The following CEACAM5 variants were observed in gnomAD, a reference collection of about 807,000 sequenced individuals.
The protein encoded by CEACAM5 is CEA cell adhesion molecule 5.
Under a neutral mutation model 63.0 loss-of-function variants are expected in CEACAM5, and 52 were observed. The observed-to-expected ratio is 0.83, with a 90% CI of 0.66 to 1.04. CEACAM5 has a LOEUF of 1.04. Ranked by LOEUF, CEACAM5 falls within the 50% of genes least tolerant of loss-of-function variation. The probability of loss-of-function intolerance (pLI) is 0.00; values close to 1 mark genes in which losing one functional copy is unlikely to be tolerated. For synonymous variants in CEACAM5, 357 were observed against 351.3 expected (o/e 1.02, Z -0.18); for missense variants, 790 against 864.8 (o/e 0.91, Z 1.08).
At chr19:41,716,014 A>G in intron 4 of CEACAM5, 110 bp downstream of exon 4, 3 of 1,268,398 alleles carry the variant, frequency 2.4e-6, no homozygotes, top group Non-Finnish European at 2.2e-6. Flanking sequence ...CAGTGGGCAC[A>G]AGCAAATCCC....
intron 2 of CEACAM5, among the ~76,000 whole-genome samples, chr19:41,714,702 T>TC (rs111369047): frequency 6.6e-6 from 1 of 151,800 alleles, no homozygotes; most frequent in Non-Finnish European, 1.5e-5. Flanking sequence ...AGCTGTGACC[T>TC]CCCCCCCAGT....
intron 2 of CEACAM5, 115 bp downstream of exon 2, chr19:41,710,154 G>A (rs932263716): frequency 6.2e-6 from 9 of 1,449,326 alleles, no homozygotes; most frequent in Non-Finnish European, 8.4e-6. Context: ...ACCATGTTAG[G>A]GTTTGGGCAT....
intron 2 of CEACAM5, among the ~76,000 whole-genome samples, chr19:41,711,688 G>C (rs536937716): frequency 1.3e-5 from 2 of 152,134 alleles, no homozygotes; most frequent in Non-Finnish European, 2.9e-5. Context: ...ACTATACCCC[G>C]CATGGCTCAT....
In CEACAM5 at chr19:41,721,053, C is replaced by G. The variant is rs141086263; in HGVS notation, c.1903C>G (p.Gln635Glu). The change falls in exon 8 of 10, where the codon CAA becomes GAA. Residue 635 changes from glutamine to glutamate, a missense_variant. Gln to Glu is a conservative substitution (Grantham distance 29, BLOSUM62 2). Transcript: ENST00000221992. ...YSWRINGIPQQHTQVLFIAKI... is the reference protein window; with the variant it reads ...YSWRINGIPQEHTQVLFIAKI... ...TTGGCGTATCAATGGGATACCGCAG[C>G]AACACACACAAGTTCTCTTTATCGC... 6.2e-7 allele frequency: 1 copy of G among 1,614,104 alleles called. No individual in the cohort carries two copies. Among genetic ancestry groups the G allele is most frequent in the Non-Finnish European group, 8.5e-7 (1 of 1,180,056 alleles).
rs983930512 is a variant in CEACAM5 at position 41,730,248 on chromosome 19, G to A, written c.*1101G>A. Among the ~76,000 whole-genome samples, 4 of 151,930 alleles carry A rather than the reference G, an allele frequency of 2.6e-5. No individual in the cohort carries two copies. The highest frequency in any genetic ancestry group is 4.4e-5 in the Non-Finnish European group (3 of 67,958). On this transcript the variant is annotated 3_prime_UTR_variant, in exon 10 of 10. Transcript: ENST00000221992. ...ATCCTGGCTAACACAGTGAAACCCC[G>A]TCTCTACTAAAAATACAAAAAAAGT...
Position 41,718,174 on chromosome 19 carries a change from T to C in CEACAM5, c.1284T>C (p.Arg428=). The change falls in exon 6 of 10, where the codon CGT becomes CGC. Residue 428 remains arginine (R), a synonymous_variant. Transcript: ENST00000221992. ...TTTCCCCCTCATACACCTATTACCG[T>C]CCAGGGGTGAACCTCAGCCTCTCCT... The part of the protein sequence containing the change: ...PTISPSYTYY[R]PGVNLSLSCH... The C allele has an allele frequency of 6.2e-7, 1 of 1,614,138 alleles. No individual in the cohort carries two copies. The highest frequency in any genetic ancestry group is 1.3e-5 in the African/African-American group (1 of 75,024).
Position 41,719,925 on chromosome 19 carries a change from C to G in CEACAM5, c.1493-5C>G. 1 of 1,614,168 alleles carries G rather than the reference C, an allele frequency of 6.2e-7. No homozygotes were observed. On this transcript the variant is annotated splice_region_variant and splice_polypyrimidine_tract_variant and intron_variant, in intron 6 of 9. Transcript: ENST00000221992. ...AGGGCAATCTTCTCTCTGTTATCTG[C>G]ACAGCGGAGCTGCCCAAGCCCTCCA... is the stretch of plus-strand genomic sequence containing the variant.
Position 41,717,753 on chromosome 19 carries a change from C to G in CEACAM5, c.1237+20C>G, listed in dbSNP as rs782608631. The G allele has an allele frequency of 6.2e-7, 1 of 1,610,402 alleles. No homozygotes were observed. Among genetic ancestry groups the G allele is most frequent in the South Asian group, 1.1e-5 (1 of 90,764 alleles). On this transcript the variant is annotated intron_variant, in intron 5 of 9. Transcript: ENST00000221992. ...TCCTCTGTGAGTATCTTCTGTTCCT[C>G]TGTGGCTCAGGCTGCCAGCCCAAAT...
chr19:41,724,579 TG>T (rs1422654983), intron 8 of CEACAM5, among the ~76,000 whole-genome samples: 1 of 152,234 alleles, frequency 6.6e-6, no homozygotes, highest in Non-Finnish European at 1.5e-5. Context: ...CTAGCAATAT[TG>T]AGACTTCCCA....
In CEACAM5 at chr19:41,708,665, C is replaced by T. The variant is rs2072381292; in HGVS notation, c.-67C>T. On this transcript the variant is annotated 5_prime_UTR_variant, in exon 1 of 10. Transcript: ENST00000221992. ...CAGCAGACCAGACAGTCACAGCAGC[C>T]TTGACAAAACGTTCCTGGAACTCAA... The T allele has an allele frequency of 1.3e-5, 19 of 1,444,204 alleles. No homozygotes were observed. In the East Asian group the frequency reaches 1.7e-4, roughly 13 times the overall value. 89.5% of individuals were successfully genotyped at this position (1,444,204 alleles called of 1,614,324 possible).
At chr19:41,711,833 G>A (rs570228147) in intron 2 of CEACAM5, among the ~76,000 whole-genome samples, 1 of 151,930 alleles carries the variant, frequency 6.6e-6, no homozygotes, top group Non-Finnish European at 1.5e-5. Context: ...CTTGAACAAG[G>A]CTGGCTGTCC....
intron 8 of CEACAM5, among the ~76,000 whole-genome samples, chr19:41,723,946 C>CAAA (rs35830094): frequency 6.7e-5 from 7 of 103,886 alleles, no homozygotes; most frequent in Admixed American, 2.0e-4. Context: ...GAGACTCTGT[C>CAAA]AAAAAAAAAA....
At chr19:41,726,779 C>T (rs1367535188) in intron 8 of CEACAM5, among the ~76,000 whole-genome samples, 1 of 152,114 alleles carries the variant, frequency 6.6e-6, no homozygotes, top group Non-Finnish European at 1.5e-5. Context: ...CTTTTCATTC[C>T]CCTGGTGGGA....
intron 6 of CEACAM5, among the ~76,000 whole-genome samples, chr19:41,719,684 C>T (rs1465577573): frequency 2.6e-5 from 4 of 152,208 alleles, no homozygotes; most frequent in South Asian, 4.1e-4. Flanking sequence ...TGGGTCTGTC[C>T]ACAACCCAAC....
At chr19:41,714,873 G>T in intron 2 of CEACAM5, 98 bp from the exon 3 acceptor site, 1 of 1,577,994 alleles carries the variant, frequency 6.3e-7, no homozygotes, top group Non-Finnish European at 8.6e-7. Flanking sequence ...AAGGGCTCAG[G>T]TGGGCTGAGA....
Position 41,718,121 on chromosome 19 carries a change from G to C in CEACAM5, c.1238-7G>C. 6.2e-7 allele frequency: 1 copy of C among 1,613,978 alleles called. No individual in the cohort carries two copies. The highest frequency in any genetic ancestry group is 8.5e-7 in the Non-Finnish European group (1 of 1,179,924). On this transcript the variant is annotated splice_region_variant and splice_polypyrimidine_tract_variant and intron_variant, in intron 5 of 9. Coordinates refer to ENST00000221992, the MANE Select transcript of CEACAM5 (RefSeq NM_004363.6). The stretch of plus-strand genomic sequence containing the variant: ...ATTCACCTGTGGCCCTATTCTCTTT[G>C]CTCCAGATGGCCCAGACGACCCCAC...
At chr19:41,710,156 T>TTTGGGCA in intron 2 of CEACAM5, 117 bp downstream of exon 2, 1 of 1,440,436 alleles carries the variant, frequency 6.9e-7, no homozygotes, top group Non-Finnish European at 9.4e-7. Context: ...CATGTTAGGG[T>TTTGGGCA]TTGGGCATTT....
intron 4 of CEACAM5, among the ~76,000 whole-genome samples, chr19:41,716,974 C>T (rs1370678547): frequency 6.6e-6 from 1 of 152,228 alleles, no homozygotes; most frequent in Non-Finnish European, 1.5e-5. Flanking sequence ...CTCCTAGTCT[C>T]CTGCACTATT....
Position 41,721,039 on chromosome 19 carries a change from A to C in CEACAM5, c.1889A>C (p.Asn630Thr), listed in dbSNP as rs1171440835. The change falls in exon 8 of 10, where the codon AAT (asparagine) becomes ACT (threonine). Residue 630 changes from asparagine to threonine, a missense_variant. Asn to Thr is a moderately conservative substitution (Grantham distance 65). Transcript: ENST00000221992. ...NPSPQYSWRI[N>T]GIPQQHTQVL... ...TCCCCGCAGTATTCTTGGCGTATCAATGGGATACCGCAGCAACACACACAA... is the reference window on the plus strand; with the variant it reads ...TCCCCGCAGTATTCTTGGCGTATCACTGGGATACCGCAGCAACACACACAA... 1.2e-6 allele frequency: 2 copies of C among 1,614,052 alleles called. No homozygotes were observed. Among genetic ancestry groups the C allele is most frequent in the Non-Finnish European group, 1.7e-6 (2 of 1,180,052 alleles).
Sources: gnomAD v4.1 joint callset for allele counts (sites outside exome capture counted in the v4.1 genomes callset) on GRCh38, gnomAD v4.1.1 for gene constraint, MANE v1.5 for transcripts, NCBI Gene and HGNC (gene_info 2026-07-23, HGNC 2026-07-21) for gene names.